The following EFCAB6 variants were observed in gnomAD, a reference collection of about 807,000 sequenced individuals.
EFCAB6 encodes EF-hand calcium binding domain 6.
Under a neutral mutation model 169.8 loss-of-function variants are expected in EFCAB6, and 156 were observed. The ratio of observed to expected loss-of-function variants is 0.92; its 90% CI spans 0.81 to 1.05. The LOEUF (loss-of-function observed/expected upper bound fraction) is 1.05. Ranked by LOEUF, EFCAB6 falls within the 50% of genes least tolerant of loss-of-function variation. The pLI, the probability that EFCAB6 is intolerant of heterozygous loss-of-function variation, is 0.00. For missense variants in EFCAB6, 1,800 were observed against 1,829.1 expected (o/e 0.98, Z 0.29); for synonymous variants, 698 against 676.4 (o/e 1.03, Z -0.50).
At chr22:43,695,023 A>G (rs1287782878) in intron 10 of EFCAB6, among the ~76,000 whole-genome samples, 1 of 152,056 alleles carries the variant, frequency 6.6e-6, no homozygotes, top group Non-Finnish European at 1.5e-5. Context: ...ATAAGGCTAG[A>G]AAACAAAATA....
chr22:43,593,045 G>A (rs1482955818), intron 23 of EFCAB6, among the ~76,000 whole-genome samples: 1 of 150,552 alleles, frequency 6.6e-6, no homozygotes, highest in South Asian at 2.1e-4. Context: ...TCTGATCAGA[G>A]TGTCAGTATA....
At chr22:43,558,786 A>G (rs183592743) in intron 26 of EFCAB6, among the ~76,000 whole-genome samples, 71 of 152,372 alleles carry the variant, frequency 4.7e-4, no homozygotes, top group African/African-American at 1.7e-3. Flanking sequence ...ACATAATGCT[A>G]TCGCACACTT....
Position 43,784,511 on chromosome 22 carries a change from A to ATGTG in EFCAB6, c.-7-2190_-7-2187dup, listed in dbSNP as rs370724337. Reference sequence around the variant, plus strand: ...ACCAAAAAAAAAAAAAAATATATATATGTGTGTGTGTGTGTGTGTGTGTGT... The same window carrying ATGTG: ...ACCAAAAAAAAAAAAAAATATATATATGTGTGTGTGTGTGTGTGTGTGTGTGTGT... On this transcript the variant is annotated intron_variant, in intron 2 of 31. Coordinates refer to ENST00000262726, the MANE Select transcript of EFCAB6 (RefSeq NM_022785.4). Among the ~76,000 whole-genome samples the ATGTG allele has an allele frequency of 4.0e-3, 367 of 91,374 alleles. 8 individuals are homozygous for ATGTG. The highest frequency in any genetic ancestry group is 0.011 in the South Asian group (29 of 2,544). 59.9% of individuals were successfully genotyped at this position (91,374 alleles called of 152,430 possible). A position where few individuals can be genotyped will look rare whatever the true frequency, so the allele number is the denominator to read the frequency against.
At chr22:43,688,414 G>C (rs529417523) in intron 10 of EFCAB6, among the ~76,000 whole-genome samples, 3 of 152,296 alleles carry the variant, frequency 2.0e-5, no homozygotes, top group African/African-American at 7.2e-5. Flanking sequence ...GTCTTAGCAA[G>C]AATAATTGGA....
chr22:43,601,583 G>C (rs1370091698), intron 22 of EFCAB6, among the ~76,000 whole-genome samples: 6 of 152,250 alleles, frequency 3.9e-5, no homozygotes, highest in Non-Finnish European at 8.8e-5. Context: ...TAACTGATGA[G>C]ATCCTGGAGG....
At chr22:43,780,424 T>C (rs2061781726) in intron 3 of EFCAB6, among the ~76,000 whole-genome samples, 1 of 146,192 alleles carries the variant, frequency 6.8e-6, no homozygotes, top group Non-Finnish European at 1.5e-5. Flanking sequence ...GAGGCAGAGG[T>C]TGCAGTTAGC....
At chr22:43,809,825 C>T (rs1417698218) in intron 1 of EFCAB6, among the ~76,000 whole-genome samples, 1 of 152,174 alleles carries the variant, frequency 6.6e-6, no homozygotes, top group Non-Finnish European at 1.5e-5. Context: ...AGACTGGTCT[C>T]GAACTCCTGA....
intron 17 of EFCAB6, among the ~76,000 whole-genome samples, chr22:43,642,713 G>A (rs1300865916): frequency 6.6e-6 from 1 of 152,146 alleles, no homozygotes; most frequent in Non-Finnish European, 1.5e-5. Context: ...TCAGACACAC[G>A]TCTGACTGTC....
At chr22:43,637,882 A>G (rs1335161078) in intron 17 of EFCAB6, among the ~76,000 whole-genome samples, 1 of 152,238 alleles carries the variant, frequency 6.6e-6, no homozygotes, top group Non-Finnish European at 1.5e-5. Context: ...ACAATTGCAC[A>G]TGAATTATTC....
At chr22:43,773,793 G>A (rs1352776706) in intron 3 of EFCAB6, among the ~76,000 whole-genome samples, 1 of 152,244 alleles carries the variant, frequency 6.6e-6, no homozygotes, top group Non-Finnish European at 1.5e-5. Flanking sequence ...GTTGCGGTGA[G>A]CTGGCATCGT....
chr22:43,584,478 T>C (rs931461575), intron 24 of EFCAB6, among the ~76,000 whole-genome samples: 1 of 147,456 alleles, frequency 6.8e-6, no homozygotes, highest in Non-Finnish European at 1.5e-5. Flanking sequence ...ACTTCAGGAG[T>C]CTCACTAGCT....
chr22:43,772,804 G>C (rs959260529), intron 4 of EFCAB6, 88 bp downstream of exon 4: 1 of 1,444,624 alleles, frequency 6.9e-7, no homozygotes, highest in African/African-American at 1.4e-5. Flanking sequence ...CAACAGTGGG[G>C]ACAAAGACAG....
At chr22:43,787,585 C>CCTG (rs1268677244) in intron 2 of EFCAB6, among the ~76,000 whole-genome samples, 6 of 152,062 alleles carry the variant, frequency 3.9e-5, no homozygotes, top group Admixed American at 3.9e-4. Flanking sequence ...AAAAACTACA[C>CCTG]AATATTGTTG....
At chr22:43,632,048 C>T (rs1222164991) in intron 19 of EFCAB6, 57 bp downstream of exon 19, 13 of 1,591,818 alleles carry the variant, frequency 8.2e-6, no homozygotes, top group African/African-American at 1.3e-5. Context: ...ACTTGGGCTG[C>T]GTGGTTGGGA....
chr22:43,722,990 G>A (rs915602057), intron 8 of EFCAB6, among the ~76,000 whole-genome samples: 5 of 152,174 alleles, frequency 3.3e-5, no homozygotes, highest in Non-Finnish European at 5.9e-5. Flanking sequence ...TCTTATAAGT[G>A]GGAGGTAAAC....
chr22:43,593,078 A>T (rs1824628446), intron 23 of EFCAB6, among the ~76,000 whole-genome samples: 1 of 151,898 alleles, frequency 6.6e-6, no homozygotes, highest in Non-Finnish European at 1.5e-5. Context: ...AAAAAAAAAA[A>T]TCCTGAAAAC....
intron 27 of EFCAB6, among the ~76,000 whole-genome samples, chr22:43,546,865 TC>T (rs2048086422): frequency 6.8e-6 from 1 of 147,154 alleles, no homozygotes; most frequent in Non-Finnish European, 1.5e-5. Flanking sequence ...AGAGTGAGAC[TC>T]TGTCTCAAAA....
chr22:43,802,575 G>A, intron 2 of EFCAB6: 1 of 401,118 alleles, frequency 2.5e-6, no homozygotes, highest in Non-Finnish European at 4.8e-6. Context: ...AAATCACAGA[G>A]ATCTGCAAGC....
chr22:43,764,551 A>G (rs2061267286), intron 5 of EFCAB6, among the ~76,000 whole-genome samples: 1 of 152,178 alleles, frequency 6.6e-6, no homozygotes, highest in Non-Finnish European at 1.5e-5. Context: ...CTTTGGGTAT[A>G]TACCTAGTAA....
Sources: allele counts gnomAD v4.1 joint callset (sites outside exome capture counted in the v4.1 genomes callset), GRCh38; gene constraint gnomAD v4.1.1; transcripts MANE v1.5; gene names NCBI Gene and HGNC (gene_info 2026-07-23, HGNC 2026-07-21).